CMC2: variants seen among roughly 807,000 people sequenced by gnomAD.
CMC2 encodes the protein COX assembly mitochondrial protein 2 homolog.
CMC2 carries 5 observed loss-of-function variants against 7.5 expected under a neutral mutation model. The observed-to-expected ratio is 0.66, with a 90% CI of 0.35 to 1.40. The LOEUF (loss-of-function observed/expected upper bound fraction) is 1.40. Among genes scored for constraint, CMC2 ranks in the 40% most tolerant of loss-of-function variants. The pLI, the probability that CMC2 is intolerant of heterozygous loss-of-function variation, is 0.04. For missense variants in CMC2, 115 were observed against 92.3 expected, an observed-to-expected ratio of 1.25 and a Z score of -1.01; for synonymous variants, 37 against 31.4, an observed-to-expected ratio of 1.18 and a Z score of -0.60.
At chr16:80,991,675 C>T (rs982737027) in intron 2 of CMC2, 2 of 219,100 alleles carry the variant, frequency 9.1e-6, no homozygotes, top group East Asian at 2.7e-4. Flanking sequence ...TAACACGTAT[C>T]TCAGCCAGGT....
intron 2 of CMC2, among the ~76,000 whole-genome samples, chr16:80,986,433 C>T (rs1402773698): frequency 1.3e-5 from 2 of 148,674 alleles, no homozygotes; most frequent in Non-Finnish European, 1.5e-5. Context: ...CCAGCCTGGG[C>T]GACAGAGTGA....
intron 2 of CMC2, among the ~76,000 whole-genome samples, chr16:80,995,852 T>G (rs1261172833): frequency 9.9e-5 from 15 of 152,124 alleles, no homozygotes; most frequent in Non-Finnish European, 1.5e-4. Context: ...GTTGCATGGG[T>G]ATCTATATAT....
Position 80,968,200 on chromosome 16 carries a change from G to A in CMC2, c.*7893C>T, listed in dbSNP as rs1265661276. The A allele has an allele frequency of 1.3e-5, 2 of 151,814 alleles. No individual in the cohort carries two copies. Among genetic ancestry groups the A allele is most frequent in the Admixed American group, 6.6e-5 (1 of 15,230 alleles). 9.4% of individuals were successfully genotyped at this position (151,814 alleles called of 1,614,324 possible). A position where few individuals can be genotyped will look rare whatever the true frequency, so the allele number is the denominator to read the frequency against. ...TTAAAATGCAGATTCTCAGTTAGTA[G>A]GTCAGGGTGGGGTCTAAAACTCTCC... On this transcript the variant is annotated 3_prime_UTR_variant, in exon 4 of 4. Coordinates refer to ENST00000219400, the MANE Select transcript of CMC2 (RefSeq NM_020188.5).
rs1408468365 is a variant in CMC2 at position 80,971,714 on chromosome 16, C to A, written c.*4379G>T. The stretch of plus-strand genomic sequence containing the variant: ...GGCTTGGGGTGACAAACACAGGAGG[C>A]TTTACCCACTTTTGTATTATTATTT... On this transcript the variant is annotated 3_prime_UTR_variant, in exon 4 of 4. Coordinates refer to ENST00000219400, the MANE Select transcript of CMC2 (RefSeq NM_020188.5). 1 of 150,966 alleles carries A rather than the reference C, an allele frequency of 6.6e-6. No individual in the cohort carries two copies. Among genetic ancestry groups the A allele is most frequent in the East Asian group, 1.9e-4 (1 of 5,178 alleles). The allele number at this position is 150,966 out of a possible 1,614,324, so 9.4% of individuals were successfully genotyped here.
intron 3 of CMC2, among the ~76,000 whole-genome samples, chr16:80,976,784 C>G (rs1912421868): frequency 6.6e-6 from 1 of 152,180 alleles, no homozygotes; most frequent in African/African-American, 2.4e-5. Flanking sequence ...TTCTTCTTGT[C>G]TGCTATAATT....
chr16:81,006,858 C>T lies in CMC2; in HGVS notation c.-160G>A. The T allele has an allele frequency of 2.0e-6, 2 of 985,866 alleles. No homozygotes were observed. Among genetic ancestry groups the T allele is most frequent in the Non-Finnish European group, 2.4e-6 (2 of 830,264 alleles). 61.1% of individuals were successfully genotyped at this position (985,866 alleles called of 1,614,324 possible). Reference sequence around the variant, plus strand: ...CCAGACGCCGAAACCCAGTGACGCCCTCCACCGCTCCACCGTGCTCCCGGC... The same window carrying T: ...CCAGACGCCGAAACCCAGTGACGCCTTCCACCGCTCCACCGTGCTCCCGGC... On this transcript the variant is annotated 5_prime_UTR_variant, in exon 1 of 4. Transcript: ENST00000219400.
At chr16:80,981,268 G>A (rs150461010) in intron 3 of CMC2, among the ~76,000 whole-genome samples, 1 of 152,272 alleles carries the variant, frequency 6.6e-6, no homozygotes, top group African/African-American at 2.4e-5. Context: ...ACAATGAACT[G>A]TGTACTGTGG....
intron 2 of CMC2, chr16:80,982,179 T>C (rs1404992665): frequency 4.6e-6 from 1 of 218,302 alleles, no homozygotes; most frequent in Admixed American, 5.9e-5. Flanking sequence ...CAAAAAAATT[T>C]AAGAGAAAGA....
chr16:80,979,010 G>A (rs1474806864), intron 3 of CMC2, among the ~76,000 whole-genome samples: 1 of 152,110 alleles, frequency 6.6e-6, no homozygotes, highest in African/African-American at 2.4e-5. Context: ...GAACCCGGGA[G>A]GAGGAGCTTG....
At chr16:80,999,601 T>C (rs1968700522) in intron 1 of CMC2, among the ~76,000 whole-genome samples, 1 of 152,142 alleles carries the variant, frequency 6.6e-6, no homozygotes, top group African/African-American at 2.4e-5. Context: ...GGGGCTCAAA[T>C]AGCCAAAAGA....
Position 80,973,574 on chromosome 16 carries a change from C to G in CMC2, c.*2519G>C, listed in dbSNP as rs749061555. On this transcript the variant is annotated 3_prime_UTR_variant, in exon 4 of 4. Coordinates refer to ENST00000219400, the MANE Select transcript of CMC2 (RefSeq NM_020188.5). Reference sequence around the variant, plus strand: ...ATAAATAAATGAAATCATAACCACTCCCTAAAACTTTCTAATGGTTTTCCA... The same window carrying G: ...ATAAATAAATGAAATCATAACCACTGCCTAAAACTTTCTAATGGTTTTCCA... 2 of 152,134 alleles carry G rather than the reference C, an allele frequency of 1.3e-5. No individual in the cohort carries two copies. The highest frequency in any genetic ancestry group is 1.3e-4 in the Admixed American group (2 of 15,278). The allele number at this position is 152,134 out of a possible 1,614,324, so 9.4% of individuals were successfully genotyped here. A position where few individuals can be genotyped will look rare whatever the true frequency, so the allele number is the denominator to read the frequency against.
At chr16:80,997,528 A>C (rs1968524798) in intron 1 of CMC2, 99 bp from the exon 2 acceptor site, 1 of 621,366 alleles carries the variant, frequency 1.6e-6, no homozygotes, top group Non-Finnish European at 2.9e-6. Flanking sequence ...TCAGAGAAGT[A>C]TGTTAACCAT....
chr16:80,973,816 G>C lies in CMC2; in HGVS notation c.*2277C>G, dbSNP rs1339831225. ...TGTGTACTTTACTCTACAGGGATCAGCAACAGCTGCAACACAAGAGAGTAA... is the reference window on the plus strand; with the variant it reads ...TGTGTACTTTACTCTACAGGGATCACCAACAGCTGCAACACAAGAGAGTAA... On this transcript the variant is annotated 3_prime_UTR_variant, in exon 4 of 4. Transcript: ENST00000219400. The C allele has an allele frequency of 1.3e-5, 2 of 152,170 alleles. No homozygotes were observed. Among genetic ancestry groups the C allele is most frequent in the Non-Finnish European group, 2.9e-5 (2 of 68,038 alleles). 9.4% of individuals were successfully genotyped at this position (152,170 alleles called of 1,614,324 possible).
At chr16:80,980,696 C>A in intron 3 of CMC2, 1 of 561,116 alleles carries the variant, frequency 1.8e-6, no homozygotes, top group Non-Finnish European at 3.2e-6. Context: ...TTGAGACCAG[C>A]CTGGCCAAAA....
chr16:80,998,544 T>G (rs1439162483), intron 1 of CMC2: 1 of 152,148 alleles, frequency 6.6e-6, no homozygotes, highest in Non-Finnish European at 1.5e-5. Flanking sequence ...TCATAAGAAT[T>G]AAATGCAGGG....
rs1049219069 is a variant in CMC2, at chr16:80,973,487, A to T, written c.*2606T>A. ...ATAACTCTATGTGACAGGTACTGTC[A>T]CTGGGTTGAACTGGTTTAACCATAA... On this transcript the variant is annotated 3_prime_UTR_variant, in exon 4 of 4. Coordinates refer to ENST00000219400, the MANE Select transcript of CMC2 (RefSeq NM_020188.5). 6.6e-6 allele frequency: 1 copy of T among 152,220 alleles called. No individual in the cohort carries two copies. The highest frequency in any genetic ancestry group is 2.4e-5 in the African/African-American group (1 of 41,466). The allele number at this position is 152,220 out of a possible 1,614,324, so 9.4% of individuals were successfully genotyped here. A position where few individuals can be genotyped will look rare whatever the true frequency, so the allele number is the denominator to read the frequency against.
rs886296777 is a variant in CMC2, at chr16:80,974,749, C to G, written c.*1344G>C. 17 of 152,194 alleles carry G rather than the reference C, an allele frequency of 1.1e-4. No individual in the cohort carries two copies. Among genetic ancestry groups the G allele is most frequent in the African/African-American group, 4.1e-4 (17 of 41,442 alleles). The allele number at this position is 152,194 out of a possible 1,614,324, so 9.4% of individuals were successfully genotyped here. On this transcript the variant is annotated 3_prime_UTR_variant, in exon 4 of 4. Coordinates refer to ENST00000219400, the MANE Select transcript of CMC2 (RefSeq NM_020188.5). ...CTACAAGATTCTAAAGGCAAAATGT[C>G]TCATTTCTGTATTTCTACTGCCTGA...
intron 2 of CMC2, chr16:80,988,712 A>G: frequency 1.7e-6 from 1 of 576,550 alleles, no homozygotes; most frequent in South Asian, 2.2e-5. Flanking sequence ...AATTTGCCTA[A>G]TAATATCATT....
Position 80,967,693 on chromosome 16 carries a change from A to G in CMC2, c.*8400T>C, listed in dbSNP as rs1410130395. On this transcript the variant is annotated 3_prime_UTR_variant, in exon 4 of 4. Coordinates refer to ENST00000219400, the MANE Select transcript of CMC2 (RefSeq NM_020188.5). The stretch of plus-strand genomic sequence containing the variant: ...GTCCAATCATTAGCTCAATAATCCA[A>G]TCATAGCATTTTAGGAAATATGGAT... 1.3e-5 allele frequency: 2 copies of G among 152,158 alleles called. No individual in the cohort carries two copies. The highest frequency in any genetic ancestry group is 2.9e-5 in the Non-Finnish European group (2 of 68,024). 9.4% of individuals were successfully genotyped at this position (152,158 alleles called of 1,614,324 possible).
Sources: gnomAD v4.1 joint callset for allele counts (sites outside exome capture counted in the v4.1 genomes callset) on GRCh38, gnomAD v4.1.1 for gene constraint, MANE v1.5 for transcripts, NCBI Gene and HGNC (gene_info 2026-07-23, HGNC 2026-07-21) for gene names.